Variants in SLC9A4 observed in about 807,000 individuals in gnomAD.
SLC9A4 encodes the protein solute carrier family 9 member A4.
A neutral mutation model predicts 67.4 loss-of-function variants in SLC9A4; 63 were observed. The observed-to-expected ratio is 0.93, with a 90% confidence interval of 0.76 to 1.15. The LOEUF is 1.15. SLC9A4 is among the 50% of genes most tolerant of loss of function. The pLI, the probability that SLC9A4 is intolerant of heterozygous loss-of-function variation, is 0.00. For missense variants in SLC9A4, 1,089 were observed against 987.7 expected, an observed-to-expected ratio of 1.10 and a Z score of -1.38; for synonymous variants, 393 against 367.2, an observed-to-expected ratio of 1.07 and a Z score of -0.80.
chr2:102,488,647 C>T (rs58584044), intron 2 of SLC9A4, among the ~76,000 whole-genome samples: 1,517 of 150,596 alleles, frequency 0.01, 24 homozygotes, highest in African/African-American at 0.034. Flanking sequence ...CTCCCAGGTT[C>T]GCGACATTCT....
intron 1 of SLC9A4, among the ~76,000 whole-genome samples, chr2:102,476,879 C>G (rs1684345459): frequency 6.6e-6 from 1 of 152,108 alleles, no homozygotes; most frequent in African/African-American, 2.4e-5. Flanking sequence ...CAGAAATAAG[C>G]AGTGATTAGA....
chr2:102,532,582 G>A lies in SLC9A4; in HGVS notation c.2291G>A (p.Ser764Asn). 6.2e-7 allele frequency: 1 copy of A among 1,614,108 alleles called. No homozygotes were observed. The highest frequency in any genetic ancestry group is 8.5e-7 in the Non-Finnish European group (1 of 1,179,990). Reference sequence around the variant, plus strand: ...GAGGAGGGTGAGTCTGGAGGGGAGAGTGAGGGCAAGGCCTCTTTGGTTGAG... The same window carrying A: ...GAGGAGGGTGAGTCTGGAGGGGAGAATGAGGGCAAGGCCTCTTTGGTTGAG... ...VDEEGESGGE[S>N]EGKASLVEVR... The change falls in exon 12 of 12, where the codon AGT becomes AAT. Residue 764 changes from serine (S) to asparagine (N), a missense_variant. By Grantham distance (46) the Ser-to-Asn change is conservative (BLOSUM62 1). Transcript: ENST00000295269.
At chr2:102,483,558 G>A (rs193227765) in intron 2 of SLC9A4, among the ~76,000 whole-genome samples, 14 of 152,092 alleles carry the variant, frequency 9.2e-5, no homozygotes, top group East Asian at 7.7e-4. Flanking sequence ...CCCAACAGTC[G>A]AAATATTGAT....
chr2:102,525,613 T>C (rs941111624), intron 10 of SLC9A4, among the ~76,000 whole-genome samples: 6 of 152,182 alleles, frequency 3.9e-5, no homozygotes, highest in African/African-American at 1.2e-4. Flanking sequence ...TCAGCCACTG[T>C]GTTCCTGCAC....
At chr2:102,505,608 C>T (rs982999533) in intron 4 of SLC9A4, 137 bp downstream of exon 4, 5 of 748,040 alleles carry the variant, frequency 6.7e-6, no homozygotes, top group East Asian at 2.7e-5. Flanking sequence ...GGAACCTGGT[C>T]GTGAGCAGGA....
chr2:102,487,121 T>C (rs990353499), intron 2 of SLC9A4, among the ~76,000 whole-genome samples: 2 of 152,008 alleles, frequency 1.3e-5, no homozygotes, highest in Admixed American at 1.3e-4. Flanking sequence ...CCTTCAGACA[T>C]GCACTTTCAG....
At chr2:102,507,993 G>T (rs1251306188) in intron 4 of SLC9A4, 86 bp from the exon 5 acceptor site, 3 of 1,262,172 alleles carry the variant, frequency 2.4e-6, no homozygotes, top group Non-Finnish European at 3.5e-6. Context: ...TGTTTGCAGG[G>T]CACGCGCACA....
intron 9 of SLC9A4, 43 bp from the exon 10 acceptor site, chr2:102,524,981 A>G: frequency 6.2e-7 from 1 of 1,610,726 alleles, no homozygotes; most frequent in Non-Finnish European, 8.5e-7. Flanking sequence ...TGAAAGTTGT[A>G]TGGAGGAGTC....
intron 6 of SLC9A4, among the ~76,000 whole-genome samples, chr2:102,511,489 A>G (rs551615510): frequency 2.4e-4 from 36 of 152,064 alleles, no homozygotes; most frequent in Non-Finnish European, 4.6e-4. Flanking sequence ...TTTAATAATT[A>G]ATTTAATATT....
intron 4 of SLC9A4, among the ~76,000 whole-genome samples, chr2:102,507,807 G>A (rs538720612): frequency 2.0e-5 from 3 of 152,180 alleles, no homozygotes; most frequent in African/African-American, 7.2e-5. Flanking sequence ...ACAAAATCAA[G>A]ATTTTATTAA....
At chr2:102,531,324 T>C (rs1434731121) in intron 11 of SLC9A4, among the ~76,000 whole-genome samples, 1 of 152,114 alleles carries the variant, frequency 6.6e-6, no homozygotes, top group Non-Finnish European at 1.5e-5. Flanking sequence ...GTAAATGATA[T>C]ATGTGAGAAA....
At chr2:102,487,964 A>G (rs1684621878) in intron 2 of SLC9A4, among the ~76,000 whole-genome samples, 1 of 152,248 alleles carries the variant, frequency 6.6e-6, no homozygotes, top group South Asian at 2.1e-4. Flanking sequence ...AGCCACAGCT[A>G]TGAACACATG....
At chr2:102,489,322 G>C (rs1684652407) in intron 2 of SLC9A4, among the ~76,000 whole-genome samples, 1 of 152,050 alleles carries the variant, frequency 6.6e-6, no homozygotes, top group African/African-American at 2.4e-5. Context: ...GATAGTATTA[G>C]GTTGGTTTTT....
intron 6 of SLC9A4, among the ~76,000 whole-genome samples, chr2:102,510,272 CAGATATAGATAT>C (rs145991620): frequency 7.9e-5 from 10 of 126,324 alleles, no homozygotes; most frequent in South Asian, 2.7e-4. Context: ...GATACAGATA[CAGATATAGATAT>C]AGATATAGAT....
At chr2:102,527,901 C>G (rs1015087691) in intron 11 of SLC9A4, among the ~76,000 whole-genome samples, 1 of 152,008 alleles carries the variant, frequency 6.6e-6, no homozygotes, top group East Asian at 1.9e-4. Context: ...TGCCTTTGCT[C>G]GTTTTTTGTT....
Position 102,509,021 on chromosome 2 carries a change from C to T in SLC9A4, c.1488+88C>T, listed in dbSNP as rs534654928. 4.5e-4 allele frequency: 495 copies of T among 1,106,796 alleles called. 3 individuals carry two copies. Among genetic ancestry groups the T allele is most frequent in the East Asian group, 5.4e-4 (22 of 40,972 alleles). 68.6% of individuals were successfully genotyped at this position (1,106,796 alleles called of 1,614,324 possible). A position where few individuals can be genotyped will look rare whatever the true frequency, so the allele number is the denominator to read the frequency against. The stretch of plus-strand genomic sequence containing the variant: ...ACATGTGCACGTGTCACTAGACTTC[C>T]TCTTTCCTTCCCCACTCTGCCAAGA... On this transcript the variant is annotated intron_variant, in intron 6 of 11. Transcript: ENST00000295269.
At chr2:102,487,197 G>GTT (rs1411756229) in intron 2 of SLC9A4, among the ~76,000 whole-genome samples, 1 of 152,046 alleles carries the variant, frequency 6.6e-6, no homozygotes, top group African/African-American at 2.4e-5. Flanking sequence ...GTGTGTGTGT[G>GTT]TGTGTGTGTC....
chr2:102,508,047 C>A, intron 4 of SLC9A4, 32 bp from the exon 5 acceptor site: 1 of 1,602,854 alleles, frequency 6.2e-7, no homozygotes, highest in South Asian at 1.1e-5. Flanking sequence ...GTTCATGATC[C>A]TCTGCTCTAA....
intron 10 of SLC9A4, 122 bp downstream of exon 10, chr2:102,525,277 C>T (rs1353655536): frequency 7.0e-7 from 1 of 1,435,950 alleles, no homozygotes; most frequent in East Asian, 2.3e-5. Context: ...CAAAACCCCA[C>T]CTTGTTACCT....
Sources: gnomAD v4.1 joint callset for allele counts (sites outside exome capture counted in the v4.1 genomes callset) on GRCh38, gnomAD v4.1.1 for gene constraint, MANE v1.5 for transcripts, NCBI Gene and HGNC (gene_info 2026-07-23, HGNC 2026-07-21) for gene names.